The following B3GAT2 variants were observed in gnomAD, a reference collection of about 807,000 sequenced individuals.
The protein encoded by B3GAT2 is beta-1,3-glucuronyltransferase 2, also known as galactosylgalactosylxylosylprotein 3-beta-glucuronosyltransferase 2.
Under a neutral mutation model 27.8 loss-of-function variants are expected in B3GAT2, and 26 were observed. The ratio of observed to expected loss-of-function variants is 0.93; its 90% confidence interval spans 0.68 to 1.30. B3GAT2 has a LOEUF of 1.30. B3GAT2 is among the 50% of genes most tolerant of loss of function. B3GAT2 has a pLI of 0.00. For missense variants in B3GAT2, 458 were observed against 459.0 expected (o/e 1.00, Z 0.02); for synonymous variants, 218 against 195.1 (o/e 1.12, Z -0.98).
intron 1 of B3GAT2, among the ~76,000 whole-genome samples, chr6:70,954,922 G>C (rs924276118): frequency 1.3e-5 from 2 of 151,444 alleles, no homozygotes; most frequent in Admixed American, 1.3e-4. Context: ...CGGCGGGGGG[G>C]GGCGGTGCGC....
In B3GAT2 at chr6:70,859,569, T is replaced by G; in HGVS notation, c.*2094A>C. The G allele has an allele frequency of 4.1e-6, 2 of 487,740 alleles. No homozygotes were observed. The highest frequency in any genetic ancestry group is 3.9e-5 in the South Asian group (1 of 25,524). 30.2% of individuals were successfully genotyped at this position (487,740 alleles called of 1,614,324 possible). Reference sequence around the variant, plus strand: ...GTGTAAGTTTTAAACCCACTCACTATATGGTAAATCTTGCCTTTCCTTCTC... The same window carrying G: ...GTGTAAGTTTTAAACCCACTCACTAGATGGTAAATCTTGCCTTTCCTTCTC... On this transcript the variant is annotated 3_prime_UTR_variant, in exon 4 of 4. Coordinates refer to ENST00000230053, the MANE Select transcript of B3GAT2 (RefSeq NM_080742.3).
At position 70,862,025 on chromosome 6, in the gene B3GAT2, A is replaced by AC. The variant is rs761761490; in HGVS notation, c.737-48dup. The AC allele has an allele frequency of 5.1e-5, 78 of 1,516,636 alleles. No homozygotes were observed. In the South Asian group the frequency reaches 9.7e-4, roughly 19 times the overall value. The allele number at this position is 1,516,636 out of a possible 1,614,324, so 93.9% of individuals were successfully genotyped here. On this transcript the variant is annotated intron_variant, in intron 2 of 3. Coordinates refer to ENST00000230053, the MANE Select transcript of B3GAT2 (RefSeq NM_080742.3). ...AAAAGAGACTTTAAAATCCTGGTGT[A>AC]CTTCTCTTTTTTTCTGTATAATTTT...
intron 1 of B3GAT2, among the ~76,000 whole-genome samples, chr6:70,902,529 C>A (rs1772517415): frequency 6.6e-6 from 1 of 151,418 alleles, no homozygotes; most frequent in African/African-American, 2.4e-5. Context: ...AAAGAGAATG[C>A]CCATGTTTAT....
chr6:70,936,671 T>A (rs1435630700), intron 1 of B3GAT2, among the ~76,000 whole-genome samples: 3 of 151,754 alleles, frequency 2.0e-5, no homozygotes, highest in Non-Finnish European at 2.9e-5. Context: ...CATAACGAAA[T>A]GAAGGCAGAA....
intron 2 of B3GAT2, among the ~76,000 whole-genome samples, chr6:70,890,923 T>C (rs569329677): frequency 1.3e-5 from 2 of 152,208 alleles, no homozygotes; most frequent in South Asian, 2.1e-4. Context: ...ATGTTGAAAA[T>C]TCCTAATAAA....
intron 1 of B3GAT2, among the ~76,000 whole-genome samples, chr6:70,941,404 A>G (rs979737392): frequency 1.3e-5 from 2 of 152,140 alleles, no homozygotes; most frequent in African/African-American, 4.8e-5. Context: ...GCAAACACTA[A>G]GCAGTGAAGC....
In B3GAT2 at chr6:70,868,727, C is replaced by A. The variant is rs193259074; in HGVS notation, c.737-6749G>T. ...TTTCAAAAGCCTCTCTTTCCCCCCC[C>A]ACGTTAAACAATAAGAAAAAGAGAT... On this transcript the variant is annotated intron_variant, in intron 2 of 3. Transcript: ENST00000230053. Among the ~76,000 whole-genome samples the A allele has an allele frequency of 3.4e-3, 510 of 152,234 alleles. 3 individuals carry two copies. The highest frequency in any genetic ancestry group is 0.01 in the Middle Eastern group (3 of 294).
At chr6:70,890,540 T>C (rs1226385978) in intron 2 of B3GAT2, among the ~76,000 whole-genome samples, 1 of 152,228 alleles carries the variant, frequency 6.6e-6, no homozygotes, top group African/African-American at 2.4e-5. Context: ...CTGATTACAA[T>C]GATAATTTGT....
chr6:70,941,038 C>T (rs903606140), intron 1 of B3GAT2, among the ~76,000 whole-genome samples: 1 of 152,142 alleles, frequency 6.6e-6, no homozygotes, highest in African/African-American at 2.4e-5. Context: ...CACTTCCTCC[C>T]AGGACTCTTT....
At chr6:70,897,658 G>T (rs1324857124) in intron 1 of B3GAT2, among the ~76,000 whole-genome samples, 18 of 134,966 alleles carry the variant, frequency 1.3e-4, no homozygotes, top group Non-Finnish European at 1.3e-4. Flanking sequence ...AGAACTGCTT[G>T]AAAAAAAAAA....
At chr6:70,871,857 A>G (rs959286105) in intron 2 of B3GAT2, among the ~76,000 whole-genome samples, 1 of 151,864 alleles carries the variant, frequency 6.6e-6, no homozygotes, top group African/African-American at 2.4e-5. Flanking sequence ...CCTGCTAAGC[A>G]CTACTCTGGC....
rs142601188 is a variant in B3GAT2 at position 70,937,961 on chromosome 6, T to C, written c.591+17878A>G. Among the ~76,000 whole-genome samples, 1,293 of 151,362 alleles carry C rather than the reference T, an allele frequency of 8.5e-3. 10 individuals are homozygous for C. Among genetic ancestry groups the C allele is most frequent in the African/African-American group, 0.014 (567 of 41,294 alleles). ...TCAATTAGGAAAAGAGGGAGTCAAA[T>C]TGTCCCTGTTTGCAGACGACATGAT... On this transcript the variant is annotated intron_variant, in intron 1 of 3. Coordinates refer to ENST00000230053, the MANE Select transcript of B3GAT2 (RefSeq NM_080742.3).
intron 1 of B3GAT2, among the ~76,000 whole-genome samples, chr6:70,940,787 G>A (rs545128748): frequency 6.6e-6 from 1 of 152,234 alleles, no homozygotes; most frequent in East Asian, 1.9e-4. Flanking sequence ...AATTAGCCAG[G>A]CATGATGGCT....
chr6:70,950,551 G>A (rs553323325), intron 1 of B3GAT2, among the ~76,000 whole-genome samples: 1 of 152,108 alleles, frequency 6.6e-6, no homozygotes, highest in Non-Finnish European at 1.5e-5. Flanking sequence ...GGGCACCTGG[G>A]TTCAAAATTC....
At chr6:70,911,006 TA>T (rs911711688) in intron 1 of B3GAT2, among the ~76,000 whole-genome samples, 4 of 152,112 alleles carry the variant, frequency 2.6e-5, no homozygotes, top group African/African-American at 9.6e-5. Context: ...TTACTTTAGC[TA>T]CTTTAAAAAT....
At chr6:70,914,760 C>CTT (rs60589382) in intron 1 of B3GAT2, among the ~76,000 whole-genome samples, 33 of 151,204 alleles carry the variant, frequency 2.2e-4, no homozygotes, top group East Asian at 1.8e-3. Context: ...AATTGAATAA[C>CTT]TTTTTTTTTA....
intron 2 of B3GAT2, among the ~76,000 whole-genome samples, chr6:70,887,130 T>C (rs1772201839): frequency 6.6e-6 from 1 of 152,154 alleles, no homozygotes; most frequent in Non-Finnish European, 1.5e-5. Flanking sequence ...AGGAAGACAA[T>C]TCCCTCCATT....
At chr6:70,870,139 C>G (rs1469259249) in intron 2 of B3GAT2, among the ~76,000 whole-genome samples, 1 of 151,698 alleles carries the variant, frequency 6.6e-6, no homozygotes, top group African/African-American at 2.4e-5. Flanking sequence ...TTGGAACCAA[C>G]CCAAATATCC....
intron 1 of B3GAT2, among the ~76,000 whole-genome samples, chr6:70,941,703 G>A (rs1443694385): frequency 1.3e-5 from 2 of 152,118 alleles, no homozygotes; most frequent in African/African-American, 4.8e-5. Context: ...TCAAAACTAT[G>A]ATTTGATTGA....
Sources: gnomAD v4.1 joint callset for allele counts (sites outside exome capture counted in the v4.1 genomes callset) on GRCh38, gnomAD v4.1.1 for gene constraint, MANE v1.5 for transcripts, NCBI Gene and HGNC (gene_info 2026-07-23, HGNC 2026-07-21) for gene names.